Variants in CTTNBP2 observed in about 807,000 individuals in gnomAD.
The protein encoded by CTTNBP2 is cortactin-binding protein 2.
Under a neutral mutation model 156.9 loss-of-function variants are expected in CTTNBP2, and 108 were observed. That is an observed-to-expected ratio of 0.69 (90% confidence interval 0.59 to 0.81). The LOEUF is 0.81. Ranked by LOEUF, CTTNBP2 falls within the 30% of genes least tolerant of loss-of-function variation. CTTNBP2 has a pLI of 0.00. For missense variants in CTTNBP2, 1,924 were observed against 2,035.4 expected, an observed-to-expected ratio of 0.95 and a Z score of 1.05; for synonymous variants, 767 against 751.8, an observed-to-expected ratio of 1.02 and a Z score of -0.33.
chr7:117,720,967 AAT>A, intron 20 of CTTNBP2, 98 bp downstream of exon 20: 1 of 815,678 alleles, frequency 1.2e-6, no homozygotes, highest in South Asian at 1.4e-5. Flanking sequence ...ATATTAACAT[AAT>A]AGTCATTCAA....
At chr7:117,853,740 T>C (rs974348352) in intron 2 of CTTNBP2, among the ~76,000 whole-genome samples, 2 of 152,172 alleles carry the variant, frequency 1.3e-5, no homozygotes, top group South Asian at 4.1e-4. Flanking sequence ...ATGTGGGAGA[T>C]TGAGCTGCGA....
intron 2 of CTTNBP2, among the ~76,000 whole-genome samples, chr7:117,858,978 T>G (rs1270243136): frequency 6.6e-6 from 1 of 152,180 alleles, no homozygotes; most frequent in East Asian, 1.9e-4. Context: ...GTCAATGCCA[T>G]GAATAGGTTC....
At chr7:117,735,590 T>C (rs1795643647) in intron 14 of CTTNBP2, among the ~76,000 whole-genome samples, 169 bp from the exon 15 acceptor site, 1 of 152,210 alleles carries the variant, frequency 6.6e-6, no homozygotes, top group African/African-American at 2.4e-5. Context: ...TTCGGTATTA[T>C]TTGATAAGTT....
chr7:117,783,182 T>TGTGTGTGTGTGCATGCGCATGTGCCC (rs751284376), intron 5 of CTTNBP2, among the ~76,000 whole-genome samples: 3 of 151,656 alleles, frequency 2.0e-5, no homozygotes, highest in African/African-American at 4.9e-5. Flanking sequence ...CTAAGATGCG[T>TGTGTGTGTGTGCATGCGCATGTGCCC]GTGTGTGTGT....
At chr7:117,826,424 A>G (rs1801284704) in intron 2 of CTTNBP2, among the ~76,000 whole-genome samples, 1 of 152,178 alleles carries the variant, frequency 6.6e-6, no homozygotes, top group African/African-American at 2.4e-5. Context: ...ATGTGTTCTA[A>G]AGCATCACAT....
intron 12 of CTTNBP2, among the ~76,000 whole-genome samples, chr7:117,751,525 G>A (rs1431126121): frequency 1.3e-5 from 2 of 152,000 alleles, no homozygotes; most frequent in Admixed American, 6.6e-5. Flanking sequence ...GCACAATTAC[G>A]GTCTATTCAT....
chr7:117,838,246 A>G (rs1802066483), intron 2 of CTTNBP2, among the ~76,000 whole-genome samples: 1 of 152,204 alleles, frequency 6.6e-6, no homozygotes, highest in South Asian at 2.1e-4. Flanking sequence ...ACCAGGAAAA[A>G]TAAACTAAAC....
intron 2 of CTTNBP2, among the ~76,000 whole-genome samples, chr7:117,836,553 ACT>A (rs1286581982): frequency 6.6e-6 from 1 of 152,142 alleles, no homozygotes; most frequent in Non-Finnish European, 1.5e-5. Flanking sequence ...ACAGAGCGAG[ACT>A]CTGTCTCAAA....
chr7:117,849,963 C>T (rs1318585958), intron 2 of CTTNBP2, among the ~76,000 whole-genome samples: 1 of 152,210 alleles, frequency 6.6e-6, no homozygotes, highest in African/African-American at 2.4e-5. Flanking sequence ...CTTTCCTTAA[C>T]CATGAGCCTT....
chr7:117,735,330 CA>C lies in CTTNBP2; in HGVS notation c.3626del (p.Leu1209Ter). 6.2e-7 allele frequency: 1 copy of C among 1,613,946 alleles called. No homozygotes were observed. Among genetic ancestry groups the C allele is most frequent in the Non-Finnish European group, 8.5e-7 (1 of 1,179,894 alleles). Reference protein sequence around the residue: ...NLEKSSLSELLRDFLAPLENR... With the variant: ...NLEKSSLSELXRDFLAPLENR... ...TTTCAAGAGGTGCCAAAAAGTCCCTCAATAACTCCGACAGTGAAGATTTTTC... is the reference window on the plus strand; with the variant it reads ...TTTCAAGAGGTGCCAAAAAGTCCCTCATAACTCCGACAGTGAAGATTTTTC... On this transcript the variant is annotated frameshift_variant, in exon 15 of 23. Coordinates refer to ENST00000160373, the MANE Select transcript of CTTNBP2 (RefSeq NM_033427.3). LOFTEE classifies it high-confidence loss of function.
intron 16 of CTTNBP2, among the ~76,000 whole-genome samples, chr7:117,731,516 C>T (rs908917132): frequency 2.0e-5 from 3 of 150,622 alleles, no homozygotes; most frequent in African/African-American, 7.5e-5. Flanking sequence ...TCTTGTCTCA[C>T]AGTCCCCAGG....
intron 8 of CTTNBP2, among the ~76,000 whole-genome samples, chr7:117,774,714 C>T (rs959616344): frequency 6.7e-6 from 1 of 148,172 alleles, no homozygotes; most frequent in African/African-American, 2.5e-5. Flanking sequence ...TATGTCCCTT[C>T]AAGCTCTGAA....
intron 1 of CTTNBP2, among the ~76,000 whole-genome samples, chr7:117,865,956 A>T (rs1489314668): frequency 6.8e-6 from 1 of 148,064 alleles, no homozygotes; most frequent in East Asian, 1.9e-4. Context: ...ATACTTATAT[A>T]ATTATATATA....
At chr7:117,813,644 A>G (rs1009980660) in intron 2 of CTTNBP2, among the ~76,000 whole-genome samples, 4 of 152,088 alleles carry the variant, frequency 2.6e-5, no homozygotes, top group African/African-American at 9.7e-5. Context: ...CTCCGCGTCT[A>G]TCTCTCCTTC....
intron 2 of CTTNBP2, among the ~76,000 whole-genome samples, chr7:117,858,759 C>T (rs36104186): frequency 5.7e-4 from 87 of 152,292 alleles, no homozygotes; most frequent in Admixed American, 4.3e-3. Context: ...GAGGGTAACT[C>T]CTTTTTACTT....
chr7:117,860,279 A>C (rs1803629038), intron 2 of CTTNBP2, among the ~76,000 whole-genome samples: 1 of 152,208 alleles, frequency 6.6e-6, no homozygotes, highest in Non-Finnish European at 1.5e-5. Context: ...AATAAACGCA[A>C]GATCCAGAAT....
intron 22 of CTTNBP2, 87 bp from the exon 23 acceptor site, chr7:117,711,869 A>G: frequency 1.5e-6 from 2 of 1,334,566 alleles, no homozygotes; most frequent in Non-Finnish European, 2.0e-6. Flanking sequence ...GCAAATGTAC[A>G]GGAGTTTCTC....
chr7:117,730,854 T>C (rs761345454), intron 16 of CTTNBP2, among the ~76,000 whole-genome samples: 12 of 141,442 alleles, frequency 8.5e-5, no homozygotes, highest in Non-Finnish European at 1.7e-4. Flanking sequence ...TTTATCTTCA[T>C]TAATATTCAG....
At chr7:117,723,643 C>T (rs953927280) in intron 19 of CTTNBP2, among the ~76,000 whole-genome samples, 3 of 152,088 alleles carry the variant, frequency 2.0e-5, no homozygotes, top group East Asian at 1.9e-4. Flanking sequence ...AAGATACAGA[C>T]GTGTTACATC....
Sources: allele counts gnomAD v4.1 joint callset (sites outside exome capture counted in the v4.1 genomes callset), GRCh38; gene constraint gnomAD v4.1.1; transcripts MANE v1.5; gene names NCBI Gene and HGNC (gene_info 2026-07-23, HGNC 2026-07-21).